The following CDH13 variants were observed in gnomAD, a reference collection of about 807,000 sequenced individuals.
CDH13 encodes cadherin 13, also known as cadherin-13.
CDH13 carries 24 observed loss-of-function variants against 63.8 expected under a neutral mutation model. The ratio of observed to expected loss-of-function variants is 0.38; its 90% confidence interval spans 0.27 to 0.53. CDH13 has a LOEUF of 0.53. Among genes scored for constraint, CDH13 ranks in the 20% least tolerant of loss-of-function variants. The pLI is 0.85. For synonymous variants in CDH13, 503 were observed against 355.3 expected, an observed-to-expected ratio of 1.42 and a Z score of -4.67; for missense variants, 1,049 against 903.1, an observed-to-expected ratio of 1.16 and a Z score of -2.07.
chr16:83,201,329 A>G (rs1306964252), intron 4 of CDH13, among the ~76,000 whole-genome samples: 1 of 152,096 alleles, frequency 6.6e-6, no homozygotes, highest in Non-Finnish European at 1.5e-5. Context: ...ATATGTCAGG[A>G]AGTATGTCAG....
intron 6 of CDH13, among the ~76,000 whole-genome samples, chr16:83,448,720 G>A (rs1687433789): frequency 1.3e-5 from 2 of 152,110 alleles, no homozygotes; most frequent in Admixed American, 1.3e-4. Flanking sequence ...TTCATTCCAT[G>A]CCTGCAAGAC....
chr16:83,039,189 T>C (rs1484508345), intron 3 of CDH13, among the ~76,000 whole-genome samples: 3 of 152,230 alleles, frequency 2.0e-5, no homozygotes, highest in Non-Finnish European at 2.9e-5. Context: ...TCTGGAGTTA[T>C]TCCTCAAATG....
chr16:83,281,861 C>T (rs62040400), intron 5 of CDH13, among the ~76,000 whole-genome samples: 3,420 of 152,032 alleles, frequency 0.022, 62 homozygotes, highest in Non-Finnish European at 0.034. Context: ...TGCAGTGAGC[C>T]GAGATTGCAC....
rs141888748 is a variant in CDH13, at chr16:82,920,463, C to T, written c.157+61990C>T. ...TCAGTGATGTGGCCAACAAAGACAA[C>T]ATACACTGGTGATCATGACCTGGGT... On this transcript the variant is annotated intron_variant, in intron 2 of 13. Coordinates refer to ENST00000567109, the MANE Select transcript of CDH13 (RefSeq NM_001257.5). 1.3e-3 allele frequency among the ~76,000 whole-genome samples: 200 copies of T among 152,302 alleles called. 2 individuals are homozygous for T. The highest frequency in any genetic ancestry group is 4.6e-3 in the African/African-American group (193 of 41,564).
intron 1 of CDH13, among the ~76,000 whole-genome samples, chr16:82,781,594 A>G (rs1172339102): frequency 2.6e-5 from 4 of 151,966 alleles, no homozygotes; most frequent in African/African-American, 7.3e-5. Flanking sequence ...TTATTCACCA[A>G]TCCACCTATT....
At chr16:83,040,268 C>G (rs368377430) in intron 3 of CDH13, among the ~76,000 whole-genome samples, 43 of 152,022 alleles carry the variant, frequency 2.8e-4, no homozygotes, top group African/African-American at 1.0e-3. Flanking sequence ...TTTAAAGACA[C>G]AGAACTAATG....
intron 5 of CDH13, among the ~76,000 whole-genome samples, chr16:83,259,334 T>C (rs1201363274): frequency 2.0e-5 from 3 of 152,126 alleles, no homozygotes; most frequent in Non-Finnish European, 4.4e-5. Context: ...CTTGACACAA[T>C]GTTGGGCACA....
intron 2 of CDH13, among the ~76,000 whole-genome samples, chr16:83,018,388 A>C (rs936346544): frequency 7.2e-5 from 11 of 152,202 alleles, no homozygotes; most frequent in African/African-American, 2.4e-4. Flanking sequence ...AAGTGAAAAA[A>C]TGATGTTTTT....
intron 10 of CDH13, among the ~76,000 whole-genome samples, chr16:83,708,069 T>A (rs562399984): frequency 7.9e-5 from 12 of 152,142 alleles, no homozygotes; most frequent in Non-Finnish European, 1.6e-4. Context: ...GCCAAGGCTC[T>A]TCCAGCCAGC....
At chr16:82,878,221 C>T (rs1482285281) in intron 2 of CDH13, among the ~76,000 whole-genome samples, 1 of 151,932 alleles carries the variant, frequency 6.6e-6, no homozygotes, top group East Asian at 2.0e-4. Context: ...GGCAATGCTC[C>T]TTCACTGAAA....
intron 6 of CDH13, among the ~76,000 whole-genome samples, chr16:83,420,264 C>G (rs1006244140): frequency 1.3e-5 from 2 of 152,124 alleles, no homozygotes; most frequent in African/African-American, 4.8e-5. Context: ...GAGGTAGTCA[C>G]AATTGAGAGC....
chr16:83,011,794 C>A (rs1444906528), intron 2 of CDH13, among the ~76,000 whole-genome samples: 1 of 152,192 alleles, frequency 6.6e-6, no homozygotes, highest in Non-Finnish European at 1.5e-5. Context: ...ACTTCTACAG[C>A]CAAACCCAGC....
chr16:83,362,040 C>G (rs182846711), intron 6 of CDH13, among the ~76,000 whole-genome samples: 170 of 152,150 alleles, frequency 1.1e-3, no homozygotes, highest in Non-Finnish European at 1.8e-3. Context: ...TTGTGTTTAT[C>G]TCACTTTAAG....
At chr16:82,912,452 C>T (rs762245362) in intron 2 of CDH13, among the ~76,000 whole-genome samples, 2 of 152,178 alleles carry the variant, frequency 1.3e-5, no homozygotes, top group Middle Eastern at 3.2e-3. Flanking sequence ...GGCCCTTCCC[C>T]CAGATGACTG....
intron 5 of CDH13, among the ~76,000 whole-genome samples, chr16:83,220,660 A>AG (rs991128200): frequency 1.3e-5 from 2 of 150,080 alleles, no homozygotes; most frequent in African/African-American, 4.9e-5. Context: ...AGCAAGAAAA[A>AG]AAAAGAAAAA....
At chr16:83,688,554 C>T (rs1228252592) in intron 10 of CDH13, among the ~76,000 whole-genome samples, 1 of 152,208 alleles carries the variant, frequency 6.6e-6, no homozygotes, top group Non-Finnish European at 1.5e-5. Flanking sequence ...AACACTTCAT[C>T]TTAATTAAAT....
chr16:83,031,956 A>C (rs1916393906), intron 2 of CDH13, 54 bp from the exon 3 acceptor site: 2 of 1,378,156 alleles, frequency 1.5e-6, no homozygotes, highest in Non-Finnish European at 2.0e-6. Context: ...GATATCTCAG[A>C]GATAAGCTGC....
chr16:83,669,160 C>T (rs976864159), intron 8 of CDH13, among the ~76,000 whole-genome samples: 4 of 152,152 alleles, frequency 2.6e-5, no homozygotes, highest in Non-Finnish European at 5.9e-5. Flanking sequence ...CACTTGACTG[C>T]TTGTCCCAGA....
chr16:83,451,014 G>A (rs1167165241), intron 6 of CDH13, among the ~76,000 whole-genome samples: 3 of 152,300 alleles, frequency 2.0e-5, no homozygotes, highest in East Asian at 3.9e-4. Context: ...CATAGGTCTG[G>A]GTAGAGTCTG....
Sources: allele counts gnomAD v4.1 joint callset (sites outside exome capture counted in the v4.1 genomes callset), GRCh38; gene constraint gnomAD v4.1.1; transcripts MANE v1.5; gene names NCBI Gene and HGNC (gene_info 2026-07-23, HGNC 2026-07-21).